Variants in TMEM74 observed in about 807,000 individuals in gnomAD.
The protein encoded by TMEM74 is transmembrane protein 74.
A neutral mutation model predicts 18.1 loss-of-function variants in TMEM74; 13 were observed. That is an observed-to-expected ratio of 0.72 (90% CI 0.47 to 1.14). The LOEUF is 1.14. Among genes scored for constraint, TMEM74 ranks in the 50% most tolerant of loss-of-function variants. The pLI, the probability that TMEM74 is intolerant of heterozygous loss-of-function variation, is 0.00. For synonymous variants in TMEM74, 159 were observed against 146.6 expected, an observed-to-expected ratio of 1.08 and a Z score of -0.61; for missense variants, 372 against 375.9, an observed-to-expected ratio of 0.99 and a Z score of 0.09.
intron 1 of TMEM74, among the ~76,000 whole-genome samples, chr8:108,693,880 C>T (rs4735075): frequency 0.46 from 69,855 of 152,078 alleles, 16,428 homozygotes; most frequent in East Asian, 0.57. Flanking sequence ...TTAATGACCA[C>T]GTAGCTGTTC....
intron 1 of TMEM74, among the ~76,000 whole-genome samples, chr8:108,734,183 T>G (rs993235093): frequency 6.6e-6 from 1 of 152,036 alleles, no homozygotes; most frequent in Non-Finnish European, 1.5e-5. Flanking sequence ...AAAGATGAAT[T>G]CACACTCTCT....
chr8:108,681,103 C>A (rs1478750595), intron 1 of TMEM74, among the ~76,000 whole-genome samples: 8 of 152,214 alleles, frequency 5.3e-5, no homozygotes, highest in South Asian at 2.1e-4. Flanking sequence ...AAGGTAATTT[C>A]TAGATTCAAT....
chr8:108,769,662 C>T (rs1814149714), intron 1 of TMEM74, among the ~76,000 whole-genome samples: 1 of 152,126 alleles, frequency 6.6e-6, no homozygotes, highest in African/African-American at 2.4e-5. Context: ...AGACATTTGT[C>T]ATTCCACTTT....
intron 1 of TMEM74, among the ~76,000 whole-genome samples, chr8:108,760,753 G>A (rs562067581): frequency 6.6e-6 from 1 of 152,142 alleles, no homozygotes; most frequent in Non-Finnish European, 1.5e-5. Context: ...AGAGGGTACA[G>A]CGATGTAACC....
At chr8:108,633,677 C>T (rs1812577696) in intron 2 of TMEM74, among the ~76,000 whole-genome samples, 1 of 151,924 alleles carries the variant, frequency 6.6e-6, no homozygotes, top group Non-Finnish European at 1.5e-5. Context: ...ACTATGTTCT[C>T]TCTCTCTGGA....
chr8:108,689,948 A>G (rs1813208242), intron 1 of TMEM74, among the ~76,000 whole-genome samples: 2 of 152,130 alleles, frequency 1.3e-5, no homozygotes, highest in Admixed American at 1.3e-4. Flanking sequence ...CCAATTTTTA[A>G]CATTTCAAAG....
Position 108,646,234 on chromosome 8 carries a change from G to A in TMEM74, n.264+9059C>T, listed in dbSNP as rs113241624. Among the ~76,000 whole-genome samples the A allele has an allele frequency of 5.1e-3, 772 of 152,132 alleles. 4 individuals carry two copies. The highest frequency in any genetic ancestry group is 8.1e-3 in the Non-Finnish European group (551 of 68,002). ...TATACACTTTAGGACAAGTGACATG[G>A]TATATTTTAAGAAAGTCAGTGTAGT... On this transcript the variant is annotated intron_variant and non_coding_transcript_variant, in intron 2 of 3. Transcript: ENST00000518838.
intron 1 of TMEM74, among the ~76,000 whole-genome samples, chr8:108,671,954 C>T (rs1247568778): frequency 6.6e-6 from 1 of 152,120 alleles, no homozygotes; most frequent in African/African-American, 2.4e-5. Context: ...TAGTATTATT[C>T]TGTATGGGGA....
chr8:108,745,585 G>A (rs912674759), intron 1 of TMEM74, among the ~76,000 whole-genome samples: 8 of 151,976 alleles, frequency 5.3e-5, no homozygotes, highest in Non-Finnish European at 1.2e-4. Flanking sequence ...CTTAATAAAC[G>A]TACATATATG....
At chr8:108,689,026 AAG>A (rs1469303456) in intron 1 of TMEM74, among the ~76,000 whole-genome samples, 2 of 152,144 alleles carry the variant, frequency 1.3e-5, no homozygotes, top group Admixed American at 1.3e-4. Flanking sequence ...TAAGCTACTA[AAG>A]CTCCAAGCAC....
intron 1 of TMEM74, among the ~76,000 whole-genome samples, chr8:108,690,338 C>A (rs946347934): frequency 1.3e-5 from 2 of 151,984 alleles, no homozygotes; most frequent in African/African-American, 2.4e-5. Context: ...ACCATTTTCC[C>A]ATTATTAAAT....
At chr8:108,686,967 T>TA (rs1813176505) in intron 1 of TMEM74, among the ~76,000 whole-genome samples, 1 of 152,196 alleles carries the variant, frequency 6.6e-6, no homozygotes, top group African/African-American at 2.4e-5. Context: ...AATACAAGTT[T>TA]AAAATTGTAC....
intron 2 of TMEM74, among the ~76,000 whole-genome samples, chr8:108,637,051 C>T (rs1468612342): frequency 2.0e-5 from 3 of 152,078 alleles, no homozygotes; most frequent in Admixed American, 2.0e-4. Flanking sequence ...AGGATTAGGG[C>T]TTTGATAAAA....
At chr8:108,659,620 T>G (rs1315584665) in intron 1 of TMEM74, among the ~76,000 whole-genome samples, 2 of 152,184 alleles carry the variant, frequency 1.3e-5, no homozygotes, top group African/African-American at 4.8e-5. Flanking sequence ...CAAAGACTTC[T>G]TATACAACTA....
intron 1 of TMEM74, among the ~76,000 whole-genome samples, chr8:108,756,642 GAAA>G (rs1563543722): frequency 8.3e-4 from 52 of 62,748 alleles, no homozygotes; most frequent in African/African-American, 3.2e-3. Flanking sequence ...AAGGAAGGAA[GAAA>G]GAAAGAGAAA....
chr8:108,700,130 GGTGT>G (rs3049748), intron 1 of TMEM74, among the ~76,000 whole-genome samples: 4,034 of 143,150 alleles, frequency 0.028, 73 homozygotes, highest in Middle Eastern at 0.036. Context: ...GGCCATAAAT[GGTGT>G]GTGTGTGTGT....
chr8:108,607,982 T>C (rs1480870646), intron 3 of TMEM74, among the ~76,000 whole-genome samples: 1 of 152,018 alleles, frequency 6.6e-6, no homozygotes, highest in East Asian at 1.9e-4. Context: ...TATTAGGATT[T>C]GAGTGAGGTT....
intron 1 of TMEM74, among the ~76,000 whole-genome samples, chr8:108,679,751 A>T (rs981181950): frequency 3.0e-4 from 46 of 152,256 alleles, no homozygotes; most frequent in Non-Finnish European, 5.0e-4. Context: ...CTTGAGTTTA[A>T]TTAGATCCCA....
chr8:108,639,167 G>A (rs2130559984), intron 2 of TMEM74, among the ~76,000 whole-genome samples: 1 of 152,216 alleles, frequency 6.6e-6, no homozygotes, highest in Non-Finnish European at 1.5e-5. Flanking sequence ...CAGATTGCAA[G>A]GAATAATAAA....
Sources: allele counts gnomAD v4.1 joint callset (sites outside exome capture counted in the v4.1 genomes callset), GRCh38; gene constraint gnomAD v4.1.1; transcripts MANE v1.5; gene names NCBI Gene and HGNC (gene_info 2026-07-23, HGNC 2026-07-21).